Variants in MCTP2 observed in about 807,000 individuals in gnomAD.
The protein encoded by MCTP2 is multiple C2 and transmembrane domain containing 2.
MCTP2 carries 132 observed loss-of-function variants against 111.6 expected under a neutral mutation model. That is an observed-to-expected ratio of 1.18 (90% CI 1.03 to 1.37). MCTP2 has a LOEUF of 1.37. Among genes scored for constraint, MCTP2 ranks in the 40% most tolerant of loss-of-function variants. The pLI is 0.00. For synonymous variants in MCTP2, 395 were observed against 387.7 expected (o/e 1.02, Z -0.22); for missense variants, 1,183 against 1,067.9 (o/e 1.11, Z -1.50).
At chr15:94,451,599 T>A (rs560183470) in intron 19 of MCTP2, among the ~76,000 whole-genome samples, 1 of 152,370 alleles carries the variant, frequency 6.6e-6, no homozygotes, top group African/African-American at 2.4e-5. Flanking sequence ...TAGAAGCACA[T>A]GTGACAGCAG....
chr15:94,353,423 G>A (rs1357954270), intron 8 of MCTP2, among the ~76,000 whole-genome samples: 1 of 152,140 alleles, frequency 6.6e-6, no homozygotes, highest in Non-Finnish European at 1.5e-5. Context: ...AGAGCTCATA[G>A]AGCTAAGTGG....
At chr15:94,443,021 TC>T in intron 19 of MCTP2, 61 bp downstream of exon 19, 1 of 1,396,104 alleles carries the variant, frequency 7.2e-7, no homozygotes, top group Non-Finnish European at 9.9e-7. Context: ...CAGATAGCAT[TC>T]CTTCAGGTTG....
At chr15:94,295,124 A>G (rs1449212733) in intron 1 of MCTP2, among the ~76,000 whole-genome samples, 1 of 151,246 alleles carries the variant, frequency 6.6e-6, no homozygotes, top group Non-Finnish European at 1.5e-5. Flanking sequence ...AATTATTTAT[A>G]TTTTTAGTAG....
At chr15:94,232,218 A>G (rs1033218296) in intron 1 of MCTP2, among the ~76,000 whole-genome samples, 7 of 152,236 alleles carry the variant, frequency 4.6e-5, no homozygotes, top group African/African-American at 1.7e-4. Context: ...AGTGGCGATT[A>G]GTTTCCGCAA....
At chr15:94,341,107 G>A (rs1053593765) in intron 7 of MCTP2, 183 bp downstream of exon 7, 45 of 494,060 alleles carry the variant, frequency 9.1e-5, no homozygotes, top group East Asian at 1.5e-4. Flanking sequence ...TTGAGGAACC[G>A]GAAAGGAAAT....
Position 94,464,257 on chromosome 15 carries a change from T to TTATATATATATATATATATATTA in MCTP2, c.2360+6032_2360+6033insTATATATATATATATATATATAT, listed in dbSNP as rs2085425740. The stretch of plus-strand genomic sequence containing the variant: ...TATATATAATATATATATATATATA[T>TTATATATATATATATATATATTA]TATATATATATATATATATATAAAC... On this transcript the variant is annotated intron_variant, in intron 20 of 22. Coordinates refer to ENST00000357742, the MANE Select transcript of MCTP2 (RefSeq NM_001385001.1). Among the ~76,000 whole-genome samples the TTATATATATATATATATATATTA allele has an allele frequency of 4.4e-5, 2 of 44,948 alleles. 1 individual carries two copies. The highest frequency in any genetic ancestry group is 1.2e-4 in the African/African-American group (2 of 16,688). The allele number at this position is 44,948 out of a possible 152,430, so 29.5% of individuals were successfully genotyped here.
At chr15:94,338,574 A>G (rs531896662) in intron 4 of MCTP2, among the ~76,000 whole-genome samples, 1 of 139,246 alleles carries the variant, frequency 7.2e-6, no homozygotes, top group African/African-American at 2.7e-5. Context: ...CTTTGGGCGG[A>G]GTGACTGGAG....
intron 1 of MCTP2, among the ~76,000 whole-genome samples, chr15:94,248,127 G>A (rs1369698284): frequency 6.6e-6 from 1 of 152,170 alleles, no homozygotes; most frequent in Admixed American, 6.5e-5. Flanking sequence ...TTAGAGTTAG[G>A]CTTGGGGTAG....
intron 21 of MCTP2, among the ~76,000 whole-genome samples, chr15:94,473,576 ATTCC>A (rs996741210): frequency 1.3e-5 from 2 of 152,194 alleles, no homozygotes; most frequent in Non-Finnish European, 2.9e-5. Context: ...GATTTCCCAT[ATTCC>A]TTCTATTGTA....
chr15:94,302,315 A>G (rs1325710605), intron 2 of MCTP2, among the ~76,000 whole-genome samples: 1 of 152,178 alleles, frequency 6.6e-6, no homozygotes, highest in Non-Finnish European at 1.5e-5. Flanking sequence ...GACCCCAAAT[A>G]TCAGCAATGC....
intron 19 of MCTP2, among the ~76,000 whole-genome samples, chr15:94,454,582 A>G (rs2152523144): frequency 7.0e-6 from 1 of 142,594 alleles, no homozygotes; most frequent in East Asian, 2.0e-4. Flanking sequence ...AACATTCTCC[A>G]AAATTGGACT....
chr15:94,345,105 C>T (rs2152410250), intron 7 of MCTP2, 24 bp from the exon 8 acceptor site: 1 of 1,611,740 alleles, frequency 6.2e-7, no homozygotes, highest in South Asian at 1.1e-5. Flanking sequence ...CCATTTTCAC[C>T]ATTCCGCGGA....
At chr15:94,300,236 G>A (rs1449218235) in intron 2 of MCTP2, among the ~76,000 whole-genome samples, 3 of 152,008 alleles carry the variant, frequency 2.0e-5, no homozygotes, top group South Asian at 2.1e-4. Context: ...GGCCGGGCAC[G>A]GTGGCTCATT....
intron 4 of MCTP2, among the ~76,000 whole-genome samples, chr15:94,322,341 A>G (rs1362320566): frequency 6.6e-6 from 1 of 151,076 alleles, no homozygotes; most frequent in African/African-American, 2.4e-5. Flanking sequence ...TTGATGAATC[A>G]CTCTCTGCTA....
intron 7 of MCTP2, among the ~76,000 whole-genome samples, chr15:94,344,372 A>G (rs1405638621): frequency 1.3e-5 from 2 of 152,194 alleles, no homozygotes; most frequent in African/African-American, 4.8e-5. Flanking sequence ...AATTAGGTTT[A>G]TAATTGAGTT....
chr15:94,435,990 T>G (rs1456739625), intron 17 of MCTP2, among the ~76,000 whole-genome samples: 2 of 152,150 alleles, frequency 1.3e-5, no homozygotes, highest in African/African-American at 2.4e-5. Context: ...AGACTCAAAA[T>G]GCAAACTTTG....
chr15:94,303,131 T>TTATATATAGTTTA (rs2075719261), intron 2 of MCTP2, among the ~76,000 whole-genome samples: 8 of 142,450 alleles, frequency 5.6e-5, no homozygotes, highest in Non-Finnish European at 9.1e-5. Flanking sequence ...TATATATAGT[T>TTATATATAGTTTA]TATATATATA....
chr15:94,268,582 C>T (rs191514165), intron 1 of MCTP2, among the ~76,000 whole-genome samples: 14 of 152,066 alleles, frequency 9.2e-5, no homozygotes, highest in Admixed American at 9.2e-4. Context: ...CCTTGGCTGG[C>T]TTCCTTTGTA....
chr15:94,409,249 T>C (rs946850272), intron 17 of MCTP2, among the ~76,000 whole-genome samples: 13 of 152,156 alleles, frequency 8.5e-5, no homozygotes, highest in African/African-American at 3.1e-4. Context: ...CTTTCTCCCA[T>C]GCTGGTTGCC....
Sources: allele counts gnomAD v4.1 joint callset (sites outside exome capture counted in the v4.1 genomes callset), GRCh38; gene constraint gnomAD v4.1.1; transcripts MANE v1.5; gene names NCBI Gene and HGNC (gene_info 2026-07-23, HGNC 2026-07-21).